Variants in PXDNL observed in about 807,000 individuals in gnomAD.
The protein encoded by PXDNL is peroxidasin like, also known as probable oxidoreductase PXDNL.
PXDNL carries 145 observed loss-of-function variants against 150.8 expected under a neutral mutation model. The observed-to-expected ratio is 0.96, with a 90% CI of 0.84 to 1.10. PXDNL has a LOEUF of 1.10. PXDNL is among the 50% of genes least tolerant of loss of function. The probability of loss-of-function intolerance (pLI) is 0.00; values close to 1 mark genes in which losing one functional copy is unlikely to be tolerated. For missense variants in PXDNL, 2,087 were observed against 1,873.9 expected (o/e 1.11, Z -2.10); for synonymous variants, 757 against 725.7 (o/e 1.04, Z -0.69).
chr8:51,403,880 G>A (rs1457111073), intron 17 of PXDNL, among the ~76,000 whole-genome samples: 1 of 152,220 alleles, frequency 6.6e-6, no homozygotes, highest in African/African-American at 2.4e-5. Flanking sequence ...CTCACGGTGA[G>A]TGTTACAGGT....
rs1554557473 is a variant in PXDNL at position 51,608,002 on chromosome 8, G to GAAGAAAGAAAGAAAAAGAAAGA, written c.237-15305_237-15304insTCTTTCTTTTTCTTTCTTTCTT. On this transcript the variant is annotated intron_variant, in intron 2 of 22. Coordinates refer to ENST00000356297, the MANE Select transcript of PXDNL (RefSeq NM_144651.5). ...GGAAGGAAGAGAGAGAGGAAGGAAG[G>GAAGAAAGAAAGAAAAAGAAAGA]AAGAAAGAAAGAAAGAAAGAAAGAA... 6.2e-5 allele frequency among the ~76,000 whole-genome samples: 4 copies of GAAGAAAGAAAGAAAAAGAAAGA among 64,634 alleles called. 1 individual carries two copies. Among genetic ancestry groups the GAAGAAAGAAAGAAAAAGAAAGA allele is most frequent in the African/African-American group, 3.3e-4 (4 of 11,996 alleles). 42.4% of individuals were successfully genotyped at this position (64,634 alleles called of 152,430 possible). A position where few individuals can be genotyped will look rare whatever the true frequency, so the allele number is the denominator to read the frequency against.
In PXDNL at chr8:51,521,679, C is replaced by T. The variant is rs139801109; in HGVS notation, c.381-21909G>A. On this transcript the variant is annotated intron_variant, in intron 4 of 22. Transcript: ENST00000356297. ...TTAGAAACACCAAGCAAGATAAATA[C>T]CAAAAACTGCATCTATGCATGACAT... Among the ~76,000 whole-genome samples the T allele has an allele frequency of 4.5e-3, 682 of 151,924 alleles. 8 individuals carry two copies. The highest frequency in any genetic ancestry group is 0.016 in the African/African-American group (656 of 41,442).
At chr8:51,797,954 G>A (rs2129261429) in intron 1 of PXDNL, among the ~76,000 whole-genome samples, 1 of 152,250 alleles carries the variant, frequency 6.6e-6, no homozygotes, top group African/African-American at 2.4e-5. Context: ...AACCAAAACA[G>A]CATGGTACTG....
chr8:51,684,359 A>G (rs1471459085), intron 1 of PXDNL, among the ~76,000 whole-genome samples: 1 of 152,214 alleles, frequency 6.6e-6, no homozygotes, highest in Non-Finnish European at 1.5e-5. Flanking sequence ...GACAGTGTAA[A>G]AGGCATTAAT....
At chr8:51,761,695 A>G (rs945517253) in intron 1 of PXDNL, among the ~76,000 whole-genome samples, 6 of 152,218 alleles carry the variant, frequency 3.9e-5, no homozygotes, top group African/African-American at 1.4e-4. Context: ...TACTTACCTT[A>G]TCTGAAATAT....
intron 1 of PXDNL, among the ~76,000 whole-genome samples, chr8:51,773,837 A>C (rs562092393): frequency 2.0e-5 from 3 of 152,354 alleles, no homozygotes; most frequent in Non-Finnish European, 2.9e-5. Context: ...TAATTCCTCA[A>C]GATTATTCCA....
intron 4 of PXDNL, among the ~76,000 whole-genome samples, chr8:51,503,866 CTAAA>C (rs1811233434): frequency 6.6e-6 from 1 of 152,128 alleles, no homozygotes; most frequent in Non-Finnish European, 1.5e-5. Flanking sequence ...CCTCTAGGAC[CTAAA>C]TTCATGCACC....
chr8:51,635,090 C>T (rs946046114), intron 2 of PXDNL, among the ~76,000 whole-genome samples: 3 of 152,012 alleles, frequency 2.0e-5, no homozygotes, highest in Non-Finnish European at 4.4e-5. Context: ...TTTTGCCCAT[C>T]CAGTATGATG....
chr8:51,370,425 T>A (rs148535882), intron 19 of PXDNL, among the ~76,000 whole-genome samples: 2 of 152,310 alleles, frequency 1.3e-5, no homozygotes, highest in Admixed American at 6.5e-5. Flanking sequence ...AGTTGCCATT[T>A]ATATGGTTTG....
At chr8:51,739,440 T>C (rs1001080589) in intron 1 of PXDNL, among the ~76,000 whole-genome samples, 1 of 150,996 alleles carries the variant, frequency 6.6e-6, no homozygotes, top group African/African-American at 2.5e-5. Context: ...AAAGAAATAA[T>C]AGGCATAAAA....
At chr8:51,612,056 C>T (rs544198543) in intron 2 of PXDNL, among the ~76,000 whole-genome samples, 65 of 152,216 alleles carry the variant, frequency 4.3e-4, no homozygotes, top group African/African-American at 1.4e-3. Context: ...AGTCCTTTAA[C>T]CAAAGGAATA....
intron 17 of PXDNL, among the ~76,000 whole-genome samples, chr8:51,379,031 C>T (rs1807451858): frequency 6.6e-6 from 1 of 152,194 alleles, no homozygotes; most frequent in African/African-American, 2.4e-5. Flanking sequence ...CCTCTTGCCA[C>T]AGCGCTAGGA....
chr8:51,474,686 G>A (rs1810430801), intron 7 of PXDNL, among the ~76,000 whole-genome samples: 1 of 152,166 alleles, frequency 6.6e-6, no homozygotes, highest in African/African-American at 2.4e-5. Flanking sequence ...CACTTCTGGT[G>A]ACCTTGTTGA....
At chr8:51,740,225 GTGAT>G (rs2036889488) in intron 1 of PXDNL, among the ~76,000 whole-genome samples, 1 of 152,160 alleles carries the variant, frequency 6.6e-6, no homozygotes, top group South Asian at 2.1e-4. Flanking sequence ...CTGTGTTAAT[GTGAT>G]TGGTTATAGT....
At chr8:51,670,794 C>T (rs1563501905) in intron 1 of PXDNL, among the ~76,000 whole-genome samples, 1 of 152,126 alleles carries the variant, frequency 6.6e-6, no homozygotes, top group Non-Finnish European at 1.5e-5. Flanking sequence ...AATGTGTCCC[C>T]CAGTGAGGAA....
Position 51,809,438 on chromosome 8 carries a change from G to T in PXDNL, c.-94C>A. 1 of 1,264,960 alleles carries T rather than the reference G, an allele frequency of 7.9e-7. No homozygotes were observed. Among genetic ancestry groups the T allele is most frequent in the Non-Finnish European group, 1.1e-6 (1 of 945,702 alleles). 78.4% of individuals were successfully genotyped at this position (1,264,960 alleles called of 1,614,324 possible). A position where few individuals can be genotyped will look rare whatever the true frequency, so the allele number is the denominator to read the frequency against. On this transcript the variant is annotated 5_prime_UTR_variant, in exon 1 of 23. Transcript: ENST00000356297. ...AACCGCAGTGGTGGTGATGGTGGCT[G>T]CTGGACTGAGCCAAGTTTGGGAGCC... is the stretch of plus-strand genomic sequence containing the variant.
intron 2 of PXDNL, among the ~76,000 whole-genome samples, chr8:51,605,405 T>C (rs979079902): frequency 6.6e-6 from 1 of 152,034 alleles, no homozygotes. Flanking sequence ...TATGGTCATA[T>C]GCTTTATGTA....
chr8:51,543,255 C>T (rs1054001371), intron 4 of PXDNL, among the ~76,000 whole-genome samples: 3 of 152,158 alleles, frequency 2.0e-5, no homozygotes, highest in African/African-American at 7.2e-5. Flanking sequence ...GGTGATACTA[C>T]TCTGCCTCTT....
chr8:51,783,803 C>T (rs995802232), intron 1 of PXDNL, among the ~76,000 whole-genome samples: 1 of 152,148 alleles, frequency 6.6e-6, no homozygotes, highest in Non-Finnish European at 1.5e-5. Flanking sequence ...AGCATCCCCA[C>T]AAAACTGTTG....
Sources: gnomAD v4.1 joint callset for allele counts (sites outside exome capture counted in the v4.1 genomes callset) on GRCh38, gnomAD v4.1.1 for gene constraint, MANE v1.5 for transcripts, NCBI Gene and HGNC (gene_info 2026-07-23, HGNC 2026-07-21) for gene names.